PCDH15: variants seen among roughly 807,000 people sequenced by gnomAD.
PCDH15 encodes the protein protocadherin-15.
A neutral mutation model predicts 178.5 loss-of-function variants in PCDH15; 129 were observed. The ratio of observed to expected loss-of-function variants is 0.72; its 90% CI spans 0.63 to 0.84. The LOEUF is 0.84. PCDH15 is among the 40% of genes least tolerant of loss of function. PCDH15 has a pLI of 0.00. For missense variants in PCDH15, 2,230 were observed against 2,099.9 expected, an observed-to-expected ratio of 1.06 and a Z score of -1.21; for synonymous variants, 800 against 732.0, an observed-to-expected ratio of 1.09 and a Z score of -1.50.
chr10:55,097,810 T>C (rs918815585), intron 2 of PCDH15, among the ~76,000 whole-genome samples: 2 of 152,112 alleles, frequency 1.3e-5, no homozygotes, highest in African/African-American at 4.8e-5. Context: ...ATAGCAGTTG[T>C]TGAACTCATT....
intron 2 of PCDH15, among the ~76,000 whole-genome samples, chr10:55,328,497 C>T (rs1235302047): frequency 6.6e-6 from 1 of 151,606 alleles, no homozygotes; most frequent in Non-Finnish European, 1.5e-5. Flanking sequence ...TATAATGGTA[C>T]AGTAAAAATA....
At chr10:55,023,142 C>T (rs1840381551) in intron 2 of PCDH15, among the ~76,000 whole-genome samples, 1 of 151,960 alleles carries the variant, frequency 6.6e-6, no homozygotes, top group Non-Finnish European at 1.5e-5. Flanking sequence ...GGGGTTTCAC[C>T]ATGTTAGCCG....
chr10:54,999,756 G>C (rs549663435), intron 2 of PCDH15, among the ~76,000 whole-genome samples: 9 of 152,306 alleles, frequency 5.9e-5, no homozygotes, highest in Non-Finnish European at 1.0e-4. Flanking sequence ...ATTTCACGTA[G>C]GTTCTTTTCT....
chr10:54,636,817 C>T, intron 2 of PCDH15, among the ~76,000 whole-genome samples: 1 of 151,798 alleles, frequency 6.6e-6, no homozygotes. Flanking sequence ...TAAATAAGAA[C>T]ATTAATTTCC....
At chr10:54,586,693 C>T (rs1392084375) in intron 2 of PCDH15, among the ~76,000 whole-genome samples, 1 of 152,076 alleles carries the variant, frequency 6.6e-6, no homozygotes, top group African/African-American at 2.4e-5. Context: ...ATTTCAGTCA[C>T]CATGTTTAGT....
intron 1 of PCDH15, among the ~76,000 whole-genome samples, chr10:54,707,233 T>G (rs1225626912): frequency 6.6e-6 from 1 of 152,140 alleles, no homozygotes; most frequent in African/African-American, 2.4e-5. Context: ...AAGACTCAAC[T>G]GACAAAATTT....
intron 1 of PCDH15, among the ~76,000 whole-genome samples, chr10:55,191,442 G>C (rs942361650): frequency 6.6e-6 from 1 of 151,544 alleles, no homozygotes; most frequent in Non-Finnish European, 1.5e-5. Flanking sequence ...GCATAATTTT[G>C]TTATTTTATG....
At chr10:54,094,758 A>G (rs1247263285) in intron 15 of PCDH15, among the ~76,000 whole-genome samples, 1 of 152,196 alleles carries the variant, frequency 6.6e-6, no homozygotes, top group African/African-American at 2.4e-5. Context: ...ATTTAATTTA[A>G]TATAATTTTA....
intron 14 of PCDH15, among the ~76,000 whole-genome samples, chr10:54,143,514 A>G (rs1478867071): frequency 6.6e-6 from 1 of 152,126 alleles, no homozygotes; most frequent in East Asian, 1.9e-4. Flanking sequence ...AGATTGTGCC[A>G]TTAGGTTAGA....
chr10:54,169,062 A>T (rs1372607227), intron 13 of PCDH15, among the ~76,000 whole-genome samples: 1 of 152,114 alleles, frequency 6.6e-6, no homozygotes, highest in Non-Finnish European at 1.5e-5. Flanking sequence ...GGGCCAAGGA[A>T]TGCCTGCAGC....
intron 2 of PCDH15, among the ~76,000 whole-genome samples, chr10:55,413,762 C>A (rs1201741784): frequency 6.6e-6 from 1 of 151,578 alleles, no homozygotes; most frequent in East Asian, 1.9e-4. Flanking sequence ...ACTTTTTAAT[C>A]TCAGAAATCT....
At chr10:54,734,713 T>A (rs1943849773) in intron 1 of PCDH15, among the ~76,000 whole-genome samples, 1 of 151,950 alleles carries the variant, frequency 6.6e-6, no homozygotes, top group Non-Finnish European at 1.5e-5. Context: ...AGAGTACTAT[T>A]GAGTGGTAAA....
intron 21 of PCDH15, among the ~76,000 whole-genome samples, chr10:53,973,356 G>T (rs1439157126): frequency 1.3e-5 from 2 of 150,858 alleles, no homozygotes; most frequent in Non-Finnish European, 3.0e-5. Flanking sequence ...CGAGTTAATG[G>T]GTGCAGCACA....
At chr10:55,262,038 G>A (rs914563359) in intron 1 of PCDH15, among the ~76,000 whole-genome samples, 15 of 150,154 alleles carry the variant, frequency 1.0e-4, no homozygotes, top group Admixed American at 2.7e-4. Context: ...AAGGGAGGGA[G>A]GGAGGGAAAA....
chr10:54,112,235 G>A (rs759277721), intron 15 of PCDH15, among the ~76,000 whole-genome samples: 1 of 151,992 alleles, frequency 6.6e-6, no homozygotes, highest in Non-Finnish European at 1.5e-5. Context: ...CCTCAGTTTG[G>A]TACCAATGAC....
chr10:55,550,315 A>T (rs1487845952), intron 2 of PCDH15, among the ~76,000 whole-genome samples: 2 of 152,172 alleles, frequency 1.3e-5, no homozygotes, highest in Non-Finnish European at 2.9e-5. Context: ...GATGTTACTG[A>T]TATATTAATA....
intron 2 of PCDH15, among the ~76,000 whole-genome samples, chr10:55,354,099 C>A (rs1328552658): frequency 6.6e-6 from 1 of 151,966 alleles, no homozygotes; most frequent in African/African-American, 2.4e-5. Flanking sequence ...GAGTTGGAGC[C>A]ACATAGTGAT....
chr10:54,526,746 C>T (rs1043255195), intron 3 of PCDH15, among the ~76,000 whole-genome samples: 1 of 152,090 alleles, frequency 6.6e-6, no homozygotes, highest in African/African-American at 2.4e-5. Context: ...GCCAGCAGTA[C>T]TGTAGATATT....
intron 3 of PCDH15, among the ~76,000 whole-genome samples, chr10:54,514,937 T>A (rs1353467297): frequency 6.6e-6 from 1 of 152,192 alleles, no homozygotes; most frequent in Admixed American, 6.5e-5. Context: ...TTAGACTGAT[T>A]GTTTCTAAGA....
Sources: allele counts gnomAD v4.1 joint callset (sites outside exome capture counted in the v4.1 genomes callset), GRCh38; gene constraint gnomAD v4.1.1; transcripts MANE v1.5; gene names NCBI Gene and HGNC (gene_info 2026-07-23, HGNC 2026-07-21).